HECW2: variants seen among roughly 807,000 people sequenced by gnomAD.
The protein encoded by HECW2 is HECT, C2 and WW domain containing E3 ubiquitin protein ligase 2, also known as E3 ubiquitin-protein ligase HECW2.
HECW2 carries 61 observed loss-of-function variants against 175.2 expected under a neutral mutation model. That is an observed-to-expected ratio of 0.35 (90% CI 0.28 to 0.43). HECW2 has a LOEUF of 0.43. HECW2 is among the 20% of genes least tolerant of loss of function. The probability of loss-of-function intolerance (pLI) is 1.00; values close to 1 mark genes in which losing one functional copy is unlikely to be tolerated. For synonymous variants in HECW2, 671 were observed against 731.0 expected (o/e 0.92, Z 1.32); for missense variants, 1,524 against 2,000.5 (o/e 0.76, Z 4.54).
intron 10 of HECW2, among the ~76,000 whole-genome samples, chr2:196,310,790 T>TGTGTGTGTGTGTGTGTG (rs1332556238): frequency 2.7e-5 from 1 of 36,460 alleles, no homozygotes; most frequent in East Asian, 7.4e-3. Flanking sequence ...GTGTGTGTGT[T>TGTGTGTGTGTGTGTGTG]TTGCACTGAA....
intron 3 of HECW2, among the ~76,000 whole-genome samples, chr2:196,343,243 C>T (rs1204409711): frequency 6.6e-6 from 1 of 152,072 alleles, no homozygotes; most frequent in Non-Finnish European, 1.5e-5. Flanking sequence ...TACATCCTCT[C>T]GTATACTTTA....
chr2:196,451,278 A>G (rs1696338091), intron 1 of HECW2, among the ~76,000 whole-genome samples: 1 of 151,916 alleles, frequency 6.6e-6, no homozygotes, highest in Non-Finnish European at 1.5e-5. Context: ...TACTAAAAAT[A>G]CAAAAATTAG....
chr2:196,399,206 C>T (rs1694751018), intron 2 of HECW2, among the ~76,000 whole-genome samples: 1 of 152,332 alleles, frequency 6.6e-6, no homozygotes, highest in East Asian at 1.9e-4. Flanking sequence ...AAGTGTGGAG[C>T]ATACTTTTGG....
At chr2:196,591,795 A>G (rs1386044520) in intron 1 of HECW2, among the ~76,000 whole-genome samples, 1 of 152,214 alleles carries the variant, frequency 6.6e-6, no homozygotes, top group Non-Finnish European at 1.5e-5. Context: ...CAGATTAGCA[A>G]ACTCCAGATT....
chr2:196,277,615 C>T (rs1690007333), intron 15 of HECW2, among the ~76,000 whole-genome samples: 1 of 152,218 alleles, frequency 6.6e-6, no homozygotes, highest in East Asian at 1.9e-4. Flanking sequence ...ACCCAGCCAT[C>T]CCATTACTGG....
chr2:196,361,772 G>C, intron 2 of HECW2: 1 of 979,432 alleles, frequency 1.0e-6, no homozygotes, highest in Non-Finnish European at 1.2e-6. Context: ...GAAATCAAGT[G>C]ACAGTGGAAT....
chr2:196,451,893 C>T lies in HECW2; in HGVS notation c.-35-18435G>A, dbSNP rs146053412. Among the ~76,000 whole-genome samples, 1,348 of 152,284 alleles carry T rather than the reference C, an allele frequency of 8.9e-3. 11 individuals are homozygous for T. The highest frequency in any genetic ancestry group is 0.017 in the Middle Eastern group (5 of 294). On this transcript the variant is annotated intron_variant, in intron 1 of 28. Transcript: ENST00000644978. Reference sequence around the variant, plus strand: ...CAGCTTGGGTGACAGAGCAAGACATCGTCTCAATAAGTAAATAAATAAGAA... The same window carrying T: ...CAGCTTGGGTGACAGAGCAAGACATTGTCTCAATAAGTAAATAAATAAGAA...
chr2:196,265,524 G>A (rs13396558), intron 17 of HECW2, among the ~76,000 whole-genome samples: 34,093 of 151,870 alleles, frequency 0.22, 6,017 homozygotes, highest in African/African-American at 0.48. Flanking sequence ...CTAGATCCTA[G>A]TTGCATTTAA....
chr2:196,325,279 C>T, intron 5 of HECW2, 130 bp from the exon 6 acceptor site: 1 of 543,930 alleles, frequency 1.8e-6, no homozygotes, highest in South Asian at 3.2e-5. Context: ...GAACAAGCAG[C>T]TCAAAGATAA....
intron 1 of HECW2, among the ~76,000 whole-genome samples, chr2:196,569,701 A>T (rs897024137): frequency 5.3e-5 from 8 of 152,214 alleles, no homozygotes; most frequent in African/African-American, 1.9e-4. Flanking sequence ...ATGTACCAGG[A>T]TGTAGGATAA....
chr2:196,259,486 A>T (rs1446926148), intron 17 of HECW2, among the ~76,000 whole-genome samples: 1 of 152,204 alleles, frequency 6.6e-6, no homozygotes, highest in Non-Finnish European at 1.5e-5. Context: ...GATCCATTTT[A>T]TATGATAGAT....
intron 28 of HECW2, among the ~76,000 whole-genome samples, chr2:196,212,220 A>G (rs1187738581): frequency 1.3e-5 from 2 of 151,734 alleles, no homozygotes; most frequent in Non-Finnish European, 2.9e-5. Context: ...TTTTAAGTTC[A>G]GGGGTACTTG....
At chr2:196,235,783 G>A (rs1163631648) in intron 21 of HECW2, among the ~76,000 whole-genome samples, 1 of 151,118 alleles carries the variant, frequency 6.6e-6, no homozygotes, top group Non-Finnish European at 1.5e-5. Context: ...AGCCTCCCGA[G>A]TAGCTGGGGA....
intron 28 of HECW2, among the ~76,000 whole-genome samples, chr2:196,208,783 G>C (rs1048906692): frequency 1.3e-5 from 2 of 152,214 alleles, no homozygotes; most frequent in Non-Finnish European, 2.9e-5. Context: ...TGGGTTGGGG[G>C]AGAGGGTACA....
chr2:196,516,905 C>T (rs1240722100), intron 1 of HECW2, among the ~76,000 whole-genome samples: 3 of 152,208 alleles, frequency 2.0e-5, no homozygotes, highest in Admixed American at 1.3e-4. Flanking sequence ...GGCAAAATAT[C>T]CCATTCCTCG....
chr2:196,340,873 A>G (rs1692725332), intron 3 of HECW2, among the ~76,000 whole-genome samples: 2 of 152,082 alleles, frequency 1.3e-5, no homozygotes, highest in African/African-American at 4.8e-5. Context: ...TATGCTCCGC[A>G]ATACTCCCAA....
intron 1 of HECW2, among the ~76,000 whole-genome samples, chr2:196,577,203 A>T (rs1690593313): frequency 6.6e-6 from 1 of 152,172 alleles, no homozygotes; most frequent in Non-Finnish European, 1.5e-5. Flanking sequence ...GGTTGCATTC[A>T]CAGAATGTTG....
At chr2:196,478,789 A>G (rs997357782) in intron 1 of HECW2, among the ~76,000 whole-genome samples, 2 of 152,112 alleles carry the variant, frequency 1.3e-5, no homozygotes, top group Admixed American at 6.5e-5. Context: ...TGCATCCCCA[A>G]ATAGAAACTC....
intron 2 of HECW2, among the ~76,000 whole-genome samples, chr2:196,378,864 T>A (rs1041474866): frequency 4.6e-5 from 7 of 152,290 alleles, no homozygotes; most frequent in African/African-American, 1.7e-4. Flanking sequence ...TGCCACAACT[T>A]GAACCCACTA....
Sources: gnomAD v4.1 joint callset for allele counts (sites outside exome capture counted in the v4.1 genomes callset) on GRCh38, gnomAD v4.1.1 for gene constraint, MANE v1.5 for transcripts, NCBI Gene and HGNC (gene_info 2026-07-23, HGNC 2026-07-21) for gene names.